Variants in ZFPM2 observed in about 807,000 individuals in gnomAD.
The protein encoded by ZFPM2 is zinc finger protein ZFPM2.
A neutral mutation model predicts 98.6 loss-of-function variants in ZFPM2; 20 were observed. That is an observed-to-expected ratio of 0.20 (90% confidence interval 0.14 to 0.29). The LOEUF (loss-of-function observed/expected upper bound fraction) is 0.29. ZFPM2 is among the 10% of genes least tolerant of loss of function. The pLI is 1.00. For synonymous variants in ZFPM2, 518 were observed against 502.7 expected, an observed-to-expected ratio of 1.03 and a Z score of -0.41; for missense variants, 1,310 against 1,388.6, an observed-to-expected ratio of 0.94 and a Z score of 0.90.
Position 105,682,998 on chromosome 8 carries a change from T to C in ZFPM2, c.532+48641T>C, listed in dbSNP as rs575619487. ...GAGGCTGGGAAGTCCAAGATCAAGA[T>C]GTTGTCTTCCTTATAGAGGGCATCT... On this transcript the variant is annotated intron_variant, in intron 5 of 7. Transcript: ENST00000407775. Among the ~76,000 whole-genome samples the C allele has an allele frequency of 7.9e-5, 12 of 152,214 alleles. No homozygotes were observed. In the East Asian group the frequency reaches 2.3e-3, roughly 29 times the overall value.
chr8:105,449,814 T>C (rs2130247064), intron 3 of ZFPM2, among the ~76,000 whole-genome samples: 1 of 152,212 alleles, frequency 6.6e-6, no homozygotes, highest in Non-Finnish European at 1.5e-5. Context: ...CAGAGCTTCC[T>C]AAGTGCTCAA....
At chr8:105,424,265 A>G (rs1380110794) in intron 2 of ZFPM2, among the ~76,000 whole-genome samples, 1 of 152,212 alleles carries the variant, frequency 6.6e-6, no homozygotes, top group Non-Finnish European at 1.5e-5. Flanking sequence ...TGATGTTATG[A>G]TTTTAAAATA....
chr8:105,440,871 G>A (rs1812222658), intron 2 of ZFPM2, among the ~76,000 whole-genome samples: 1 of 152,216 alleles, frequency 6.6e-6, no homozygotes, highest in African/African-American at 2.4e-5. Context: ...GAGGCCAAGG[G>A]ACGGGAGCGG....
At chr8:105,583,663 G>A (rs1167524258) in intron 4 of ZFPM2, among the ~76,000 whole-genome samples, 1 of 152,128 alleles carries the variant, frequency 6.6e-6, no homozygotes, top group African/African-American at 2.4e-5. Context: ...GGGGGCTAGA[G>A]GTGCCAATGG....
rs546936892 is a variant in ZFPM2 at position 105,337,665 on chromosome 8, C to T, written c.40+18684C>T. On this transcript the variant is annotated intron_variant, in intron 1 of 7. Transcript: ENST00000407775. ...TGACCTTATTAGTGACCTTAACTAT[C>T]GTCTTCTAATGTATTAGAGCATAGA... is the stretch of plus-strand genomic sequence containing the variant. Among the ~76,000 whole-genome samples, 6 of 151,472 alleles carry T rather than the reference C, an allele frequency of 4.0e-5. No homozygotes were observed. The East Asian group carries it at 9.7e-4, about 24-fold the overall frequency.
intron 3 of ZFPM2, among the ~76,000 whole-genome samples, chr8:105,515,082 T>G (rs2130522338): frequency 6.6e-6 from 1 of 152,228 alleles, no homozygotes; most frequent in East Asian, 1.9e-4. Flanking sequence ...GGAAGGTAAG[T>G]GTTGAGAGGG....
intron 5 of ZFPM2, among the ~76,000 whole-genome samples, chr8:105,738,608 C>T (rs530242023): frequency 3.9e-5 from 6 of 152,124 alleles, no homozygotes; most frequent in African/African-American, 1.4e-4. Context: ...CTGTTTTCTG[C>T]AATGGTTGAA....
At chr8:105,555,501 C>G (rs527645481) in intron 3 of ZFPM2, among the ~76,000 whole-genome samples, 51 of 150,212 alleles carry the variant, frequency 3.4e-4, no homozygotes, top group African/African-American at 1.2e-3. Flanking sequence ...TGAGATACGT[C>G]GTATCATCAA....
intron 3 of ZFPM2, among the ~76,000 whole-genome samples, chr8:105,559,727 A>T (rs1206620694): frequency 6.6e-6 from 1 of 152,176 alleles, no homozygotes. Flanking sequence ...TATTAAAAGG[A>T]GGTGACACTA....
chr8:105,481,492 T>A, intron 3 of ZFPM2, among the ~76,000 whole-genome samples: 1 of 152,216 alleles, frequency 6.6e-6, no homozygotes. Flanking sequence ...CCTCCTCTTA[T>A]AAGGACTCTA....
chr8:105,791,596 T>C (rs1813613696), intron 6 of ZFPM2, among the ~76,000 whole-genome samples: 1 of 152,260 alleles, frequency 6.6e-6, no homozygotes, highest in African/African-American at 2.4e-5. Context: ...AGGATGATGC[T>C]GGCCTCATAA....
rs1374645924 is a variant in ZFPM2 at position 105,630,124 on chromosome 8, A to G, written c.421-4122A>G. Reference sequence around the variant, plus strand: ...GTGCCAATTGTACCCATTGTAGAGTATGAGATAAAAATTTTGGCCTGACTT... The same window carrying G: ...GTGCCAATTGTACCCATTGTAGAGTGTGAGATAAAAATTTTGGCCTGACTT... On this transcript the variant is annotated intron_variant, in intron 4 of 7. Transcript: ENST00000407775. Among the ~76,000 whole-genome samples, 5 of 152,174 alleles carry G rather than the reference A, an allele frequency of 3.3e-5. No individual in the cohort carries two copies. The East Asian group carries it at 5.8e-4, about 18-fold the overall frequency.
chr8:105,801,592 C>T lies in ZFPM2; in HGVS notation c.1510C>T (p.Pro504Ser), dbSNP rs778715258. 1.2e-6 allele frequency: 2 copies of T among 1,613,858 alleles called. No individual in the cohort carries two copies. The highest frequency in any genetic ancestry group is 4.5e-5 in the East Asian group (2 of 44,858). The change falls in exon 8 of 8, where the codon CCC becomes TCC. Residue 504 changes from proline to serine, a missense_variant. Coordinates refer to ENST00000407775, the MANE Select transcript of ZFPM2 (RefSeq NM_012082.4). ...VGPFLSQFSF[P>S]QDITMVPQAS... ...CCCTTTCCTATCTCAGTTTTCTTTC[C>T]CCCAAGATATCACCATGGTCCCTCA... is the stretch of plus-strand genomic sequence containing the variant.
intron 5 of ZFPM2, among the ~76,000 whole-genome samples, chr8:105,641,663 A>C (rs2130851930): frequency 6.6e-6 from 1 of 152,166 alleles, no homozygotes; most frequent in South Asian, 2.1e-4. Flanking sequence ...CTGTTATGTT[A>C]GTGATTTATT....
intron 3 of ZFPM2, among the ~76,000 whole-genome samples, chr8:105,532,697 G>A (rs2130588096): frequency 1.3e-5 from 2 of 152,262 alleles, no homozygotes; most frequent in Admixed American, 1.3e-4. Context: ...TGTTTTACAT[G>A]TAGTGATTGT....
chr8:105,620,487 G>C (rs1415214550), intron 4 of ZFPM2, among the ~76,000 whole-genome samples: 1 of 152,128 alleles, frequency 6.6e-6, no homozygotes, highest in Non-Finnish European at 1.5e-5. Context: ...TAGGTTGTCT[G>C]TTCACTCTGA....
chr8:105,320,013 A>G (rs1751205788), intron 1 of ZFPM2, among the ~76,000 whole-genome samples: 1 of 152,156 alleles, frequency 6.6e-6, no homozygotes, highest in Admixed American at 6.5e-5. Context: ...TGCTAGCTTT[A>G]TGATGTGTCT....
intron 4 of ZFPM2, among the ~76,000 whole-genome samples, chr8:105,598,959 C>G (rs900054933): frequency 6.6e-6 from 1 of 152,166 alleles, no homozygotes; most frequent in African/African-American, 2.4e-5. Context: ...GTGGTCAGAC[C>G]TTCTGCTAAT....
chr8:105,489,157 A>G (rs1813299789), intron 3 of ZFPM2, among the ~76,000 whole-genome samples: 1 of 151,942 alleles, frequency 6.6e-6, no homozygotes, highest in South Asian at 2.1e-4. Flanking sequence ...AGTTGAGTCC[A>G]CAGTAGGGAG....
Sources: gnomAD v4.1 joint callset for allele counts (sites outside exome capture counted in the v4.1 genomes callset) on GRCh38, gnomAD v4.1.1 for gene constraint, MANE v1.5 for transcripts, NCBI Gene and HGNC (gene_info 2026-07-23, HGNC 2026-07-21) for gene names.